The following LUZP2 variants were observed in gnomAD, a reference collection of about 807,000 sequenced individuals.
LUZP2 encodes leucine zipper protein 2.
In LUZP2, 52 loss-of-function variants were observed where a neutral mutation model predicts 51.6. The ratio of observed to expected loss-of-function variants is 1.01; its 90% CI spans 0.81 to 1.27. The LOEUF is 1.27. Among genes scored for constraint, LUZP2 ranks in the 50% most tolerant of loss-of-function variants. The pLI is 0.00. For synonymous variants in LUZP2, 154 were observed against 137.3 expected, an observed-to-expected ratio of 1.12 and a Z score of -0.85; for missense variants, 436 against 395.4, an observed-to-expected ratio of 1.10 and a Z score of -0.87.
intron 1 of LUZP2, among the ~76,000 whole-genome samples, chr11:24,499,240 A>G (rs11027952): frequency 0.24 from 36,204 of 152,140 alleles, 5,224 homozygotes; most frequent in African/African-American, 0.41. Flanking sequence ...AATAAGTAGC[A>G]TATCTTATTA....
intron 1 of LUZP2, among the ~76,000 whole-genome samples, chr11:24,516,584 C>T (rs1850469835): frequency 6.6e-6 from 1 of 152,012 alleles, no homozygotes; most frequent in Non-Finnish European, 1.5e-5. Flanking sequence ...GTTTTCTTTA[C>T]AATTTAAAAG....
chr11:24,525,915 G>C (rs1238427793), intron 1 of LUZP2, among the ~76,000 whole-genome samples: 1 of 151,294 alleles, frequency 6.6e-6, no homozygotes, highest in African/African-American at 2.4e-5. Context: ...TTGAAACTAT[G>C]AAAGACAGTC....
At chr11:24,759,439 T>C (rs951340497) in intron 4 of LUZP2, among the ~76,000 whole-genome samples, 1 of 152,178 alleles carries the variant, frequency 6.6e-6, no homozygotes, top group Non-Finnish European at 1.5e-5. Context: ...AAAATATATT[T>C]TATGTCTTGA....
intron 1 of LUZP2, among the ~76,000 whole-genome samples, chr11:24,619,347 T>G (rs1204396723): frequency 2.0e-5 from 3 of 152,172 alleles, no homozygotes. Context: ...ACTTAGCATT[T>G]TAAATCAGAT....
At chr11:24,787,581 C>A (rs191586635) in intron 5 of LUZP2, among the ~76,000 whole-genome samples, 2 of 152,070 alleles carry the variant, frequency 1.3e-5, no homozygotes, top group Non-Finnish European at 2.9e-5. Flanking sequence ...TAGAGTTAAA[C>A]TCAATTTCTA....
At chr11:24,742,331 G>T (rs972576321) in intron 4 of LUZP2, among the ~76,000 whole-genome samples, 7 of 151,922 alleles carry the variant, frequency 4.6e-5, no homozygotes, top group Admixed American at 3.3e-4. Context: ...GTGCGAAAGT[G>T]TTCCCTGATC....
At chr11:24,714,933 A>G (rs77446877) in intron 1 of LUZP2, among the ~76,000 whole-genome samples, 4,399 of 152,256 alleles carry the variant, frequency 0.029, 202 homozygotes, top group African/African-American at 0.099. Context: ...AAGAGCCTAG[A>G]GAGTCTACAG....
chr11:24,973,155 C>G (rs1855794692), intron 7 of LUZP2, among the ~76,000 whole-genome samples: 1 of 148,298 alleles, frequency 6.7e-6, no homozygotes, highest in Admixed American at 6.8e-5. Context: ...CAGTTTCTTC[C>G]TGGTTCAGTC....
intron 7 of LUZP2, among the ~76,000 whole-genome samples, chr11:24,970,539 A>G (rs1393564114): frequency 1.3e-5 from 2 of 152,202 alleles, no homozygotes; most frequent in African/African-American, 2.4e-5. Context: ...TCATTGAATT[A>G]CAAATCTAAC....
intron 5 of LUZP2, among the ~76,000 whole-genome samples, chr11:24,881,156 A>C (rs1852454601): frequency 6.6e-6 from 1 of 152,182 alleles, no homozygotes; most frequent in Non-Finnish European, 1.5e-5. Flanking sequence ...TGTAGTAATC[A>C]TAACTTATGA....
intron 5 of LUZP2, among the ~76,000 whole-genome samples, chr11:24,850,621 A>G (rs1360045387): frequency 6.6e-6 from 1 of 152,146 alleles, no homozygotes; most frequent in Non-Finnish European, 1.5e-5. Context: ...TTTATTCCAT[A>G]TGAAATTTAA....
At chr11:24,761,506 G>A (rs1370813214) in intron 4 of LUZP2, among the ~76,000 whole-genome samples, 1 of 152,100 alleles carries the variant, frequency 6.6e-6, no homozygotes, top group South Asian at 2.1e-4. Context: ...ACTGGGAAAT[G>A]ATGATAATGG....
intron 9 of LUZP2, among the ~76,000 whole-genome samples, chr11:24,991,360 A>G (rs1356605826): frequency 6.7e-5 from 9 of 134,726 alleles, no homozygotes; most frequent in Non-Finnish European, 9.4e-5. Flanking sequence ...GTATATATAT[A>G]TGTGTGTGTA....
intron 1 of LUZP2, among the ~76,000 whole-genome samples, chr11:24,697,842 G>C (rs1448930847): frequency 6.6e-6 from 1 of 152,130 alleles, no homozygotes; most frequent in African/African-American, 2.4e-5. Context: ...GGTTGGTCTT[G>C]AGATATTTTT....
intron 5 of LUZP2, among the ~76,000 whole-genome samples, chr11:24,838,911 C>T (rs2631480): frequency 3.8e-4 from 57 of 151,512 alleles, no homozygotes; most frequent in African/African-American, 1.3e-3. Flanking sequence ...ATGAAGCTCA[C>T]GTTTCATTCC....
intron 5 of LUZP2, among the ~76,000 whole-genome samples, chr11:24,879,382 T>A (rs1257119842): frequency 1.3e-5 from 2 of 152,212 alleles, no homozygotes; most frequent in African/African-American, 4.8e-5. Flanking sequence ...TAAATATGCA[T>A]GTACGTATGT....
intron 1 of LUZP2, among the ~76,000 whole-genome samples, chr11:24,542,957 A>G (rs530726975): frequency 1.7e-3 from 264 of 151,758 alleles, no homozygotes; most frequent in Non-Finnish European, 2.8e-3. Flanking sequence ...TTTAGAATGG[A>G]ATTGAAGGTG....
chr11:24,544,843 G>T (rs1344448494), intron 1 of LUZP2, among the ~76,000 whole-genome samples: 2 of 151,964 alleles, frequency 1.3e-5, no homozygotes, highest in Non-Finnish European at 2.9e-5. Flanking sequence ...CTGTTTTTTA[G>T]GTCTTTAAGG....
intron 1 of LUZP2, among the ~76,000 whole-genome samples, chr11:24,690,682 A>G (rs562016331): frequency 5.3e-4 from 81 of 152,086 alleles, no homozygotes; most frequent in Non-Finnish European, 8.5e-4. Flanking sequence ...GTATGTGTAT[A>G]TAGCTCACAG....
Sources: gnomAD v4.1 joint callset for allele counts (sites outside exome capture counted in the v4.1 genomes callset) on GRCh38, gnomAD v4.1.1 for gene constraint, MANE v1.5 for transcripts, NCBI Gene and HGNC (gene_info 2026-07-23, HGNC 2026-07-21) for gene names.